MACROD2: variants seen among roughly 807,000 people sequenced by gnomAD.
MACROD2 encodes mono-ADP ribosylhydrolase 2.
Under a neutral mutation model 70.4 loss-of-function variants are expected in MACROD2, and 36 were observed. The observed-to-expected ratio is 0.51, with a 90% CI of 0.39 to 0.68. MACROD2 has a LOEUF of 0.68. Among genes scored for constraint, MACROD2 ranks in the 30% least tolerant of loss-of-function variants. MACROD2 has a pLI of 0.00. For missense variants in MACROD2, 496 were observed against 538.4 expected (o/e 0.92, Z 0.78); for synonymous variants, 172 against 178.8 (o/e 0.96, Z 0.30).
intron 5 of MACROD2, among the ~76,000 whole-genome samples, chr20:15,037,016 T>C (rs1031966651): frequency 2.0e-5 from 3 of 152,144 alleles, no homozygotes; most frequent in Non-Finnish European, 4.4e-5. Context: ...AAGTTTTTTA[T>C]TAAAAATTGG....
intron 5 of MACROD2, among the ~76,000 whole-genome samples, chr20:14,741,138 G>A (rs375860716): frequency 6.6e-6 from 1 of 152,090 alleles, no homozygotes; most frequent in Non-Finnish European, 1.5e-5. Context: ...AAAGTCCAAT[G>A]TTTATTAATT....
chr20:15,860,958 T>A (rs1261711577), intron 8 of MACROD2, among the ~76,000 whole-genome samples: 2 of 152,188 alleles, frequency 1.3e-5, no homozygotes, highest in Non-Finnish European at 2.9e-5. Flanking sequence ...AGAAAATATA[T>A]GATCACTCCA....
intron 5 of MACROD2, among the ~76,000 whole-genome samples, chr20:14,759,340 C>T (rs896574763): frequency 2.0e-5 from 3 of 151,958 alleles, no homozygotes; most frequent in African/African-American, 7.3e-5. Flanking sequence ...CATAACTAAT[C>T]TAGTACAAAA....
intron 5 of MACROD2, among the ~76,000 whole-genome samples, chr20:14,998,095 C>T (rs2074964979): frequency 6.6e-6 from 1 of 152,220 alleles, no homozygotes; most frequent in Non-Finnish European, 1.5e-5. Context: ...TAGATCACAA[C>T]ATTCATTTCC....
intron 7 of MACROD2, among the ~76,000 whole-genome samples, chr20:15,481,160 C>A (rs1175639626): frequency 6.6e-6 from 1 of 152,222 alleles, no homozygotes; most frequent in East Asian, 1.9e-4. Flanking sequence ...CGCTAGCATG[C>A]TATTCAAAAC....
intron 7 of MACROD2, among the ~76,000 whole-genome samples, chr20:15,455,655 T>C (rs1433238936): frequency 1.3e-5 from 2 of 152,150 alleles, no homozygotes; most frequent in Admixed American, 1.3e-4. Context: ...TCGAAATCTT[T>C]TTGTAATGGG....
intron 3 of MACROD2, among the ~76,000 whole-genome samples, chr20:14,340,916 G>A (rs909625480): frequency 6.6e-6 from 1 of 152,154 alleles, no homozygotes; most frequent in Non-Finnish European, 1.5e-5. Context: ...AAGTAGATTG[G>A]ATTTGGAATT....
chr20:15,296,905 A>C (rs966986710), intron 6 of MACROD2, among the ~76,000 whole-genome samples: 3 of 152,226 alleles, frequency 2.0e-5, no homozygotes, highest in African/African-American at 7.2e-5. Flanking sequence ...TTAATGCTGA[A>C]AGTTTACAGA....
intron 13 of MACROD2, among the ~76,000 whole-genome samples, chr20:15,973,881 A>G (rs1049240530): frequency 6.6e-6 from 1 of 152,234 alleles, no homozygotes; most frequent in Non-Finnish European, 1.5e-5. Flanking sequence ...TAAATTCCTG[A>G]TGAAATATAA....
intron 3 of MACROD2, among the ~76,000 whole-genome samples, chr20:14,439,143 AT>A (rs1182957427): frequency 6.6e-6 from 1 of 152,110 alleles, no homozygotes; most frequent in Non-Finnish European, 1.5e-5. Flanking sequence ...TTGTAGCACT[AT>A]TTGTTGAGGA....
intron 5 of MACROD2, among the ~76,000 whole-genome samples, chr20:14,873,222 A>T (rs448177): frequency 0.68 from 103,509 of 152,070 alleles, 36,229 homozygotes; most frequent in African/African-American, 0.8. Context: ...TTTATCATCT[A>T]AACTTATTGA....
intron 3 of MACROD2, among the ~76,000 whole-genome samples, chr20:14,103,826 C>T (rs2054331151): frequency 6.6e-6 from 1 of 152,024 alleles, no homozygotes; most frequent in African/African-American, 2.4e-5. Flanking sequence ...ATCATCCCCT[C>T]ATTGTTGGAA....
intron 2 of MACROD2, among the ~76,000 whole-genome samples, chr20:14,058,734 C>T (rs1435594516): frequency 1.3e-5 from 2 of 151,024 alleles, no homozygotes; most frequent in African/African-American, 4.9e-5. Context: ...ACCTCTGCCT[C>T]CCAGGTTCAA....
intron 3 of MACROD2, among the ~76,000 whole-genome samples, chr20:14,483,510 G>A (rs553529959): frequency 2.0e-5 from 3 of 152,094 alleles, no homozygotes; most frequent in East Asian, 1.9e-4. Flanking sequence ...AGGTTCAAGC[G>A]ATTCTCCTGC....
chr20:14,078,968 C>A (rs2053953075), intron 2 of MACROD2, among the ~76,000 whole-genome samples: 1 of 152,082 alleles, frequency 6.6e-6, no homozygotes, highest in African/African-American at 2.4e-5. Flanking sequence ...ATCATATGTT[C>A]TGGTATATAC....
chr20:15,901,196 CA>C (rs1447988169), intron 10 of MACROD2, among the ~76,000 whole-genome samples: 1 of 152,190 alleles, frequency 6.6e-6, no homozygotes, highest in Non-Finnish European at 1.5e-5. Context: ...CCCCAGCCCC[CA>C]GTTGCACTAA....
chr20:15,681,955 G>C (rs914353504), intron 8 of MACROD2, among the ~76,000 whole-genome samples: 1 of 152,158 alleles, frequency 6.6e-6, no homozygotes, highest in Admixed American at 6.5e-5. Context: ...TAGATTGGTG[G>C]CCATTCTTCT....
At chr20:15,794,105 G>A (rs1232954254) in intron 8 of MACROD2, among the ~76,000 whole-genome samples, 1 of 151,864 alleles carries the variant, frequency 6.6e-6, no homozygotes, top group Non-Finnish European at 1.5e-5. Context: ...ATTGGGATAT[G>A]CTGTCTTATT....
intron 3 of MACROD2, among the ~76,000 whole-genome samples, chr20:14,301,630 C>T (rs756208149): frequency 1.3e-5 from 2 of 152,090 alleles, no homozygotes; most frequent in Non-Finnish European, 2.9e-5. Flanking sequence ...CAAATAATGA[C>T]CTTCGTGTCT....
Sources: allele counts gnomAD v4.1 joint callset (sites outside exome capture counted in the v4.1 genomes callset), GRCh38; gene constraint gnomAD v4.1.1; transcripts MANE v1.5; gene names NCBI Gene and HGNC (gene_info 2026-07-23, HGNC 2026-07-21).